The following DLG2 variants were observed in gnomAD, a reference collection of about 807,000 sequenced individuals.
The protein encoded by DLG2 is disks large homolog 2.
A neutral mutation model predicts 132.5 loss-of-function variants in DLG2; 45 were observed. The observed-to-expected ratio is 0.34, with a 90% confidence interval of 0.27 to 0.44. The LOEUF is 0.44. DLG2 is among the 20% of genes least tolerant of loss of function. DLG2 has a pLI of 1.00. For synonymous variants in DLG2, 424 were observed against 419.6 expected, an observed-to-expected ratio of 1.01 and a Z score of -0.13; for missense variants, 1,045 against 1,196.9, an observed-to-expected ratio of 0.87 and a Z score of 1.87.
chr11:85,552,891 T>TA (rs1316276444), intron 3 of DLG2, among the ~76,000 whole-genome samples: 3 of 151,342 alleles, frequency 2.0e-5, no homozygotes, highest in Non-Finnish European at 4.4e-5. Flanking sequence ...CCCAAAATGA[T>TA]AAAAAACATG....
intron 8 of DLG2, among the ~76,000 whole-genome samples, chr11:84,221,986 T>C (rs1018469556): frequency 1.3e-5 from 2 of 152,156 alleles, no homozygotes; most frequent in South Asian, 2.1e-4. Context: ...AATAATACTA[T>C]ATTAAAATTA....
intron 18 of DLG2, among the ~76,000 whole-genome samples, chr11:83,633,577 C>A (rs2063958792): frequency 6.6e-6 from 1 of 151,940 alleles, no homozygotes; most frequent in Admixed American, 6.6e-5. Context: ...TGTAAAAAGT[C>A]CATGGGGGCT....
intron 3 of DLG2, among the ~76,000 whole-genome samples, chr11:85,403,083 G>A (rs548951469): frequency 1.5e-4 from 23 of 152,182 alleles, no homozygotes; most frequent in African/African-American, 4.8e-4. Flanking sequence ...CAAAGACTTG[G>A]AATAAACCCA....
intron 3 of DLG2, among the ~76,000 whole-genome samples, chr11:85,364,845 GT>G (rs1466273792): frequency 6.6e-6 from 1 of 151,416 alleles, no homozygotes; most frequent in African/African-American, 2.4e-5. Context: ...TTATCACATA[GT>G]TTTTTTGTTT....
At chr11:85,379,687 G>C (rs529588505) in intron 3 of DLG2, among the ~76,000 whole-genome samples, 13 of 152,234 alleles carry the variant, frequency 8.5e-5, no homozygotes, top group African/African-American at 3.1e-4. Context: ...ATCTAATCCA[G>C]GCTCTCCCAC....
chr11:85,579,365 A>T (rs1437471426), intron 3 of DLG2, among the ~76,000 whole-genome samples: 1 of 152,130 alleles, frequency 6.6e-6, no homozygotes, highest in Non-Finnish European at 1.5e-5. Flanking sequence ...AAACCTGCAC[A>T]TGTATCCTCG....
chr11:84,668,521 G>A (rs780380804), intron 6 of DLG2, among the ~76,000 whole-genome samples: 3 of 152,100 alleles, frequency 2.0e-5, no homozygotes, highest in Non-Finnish European at 2.9e-5. Flanking sequence ...AAATTGAAAC[G>A]GTTTAAGTAC....
intron 15 of DLG2, among the ~76,000 whole-genome samples, chr11:83,917,517 T>C (rs1362093455): frequency 6.6e-6 from 1 of 152,192 alleles, no homozygotes; most frequent in Non-Finnish European, 1.5e-5. Flanking sequence ...GATGGGTTGA[T>C]GAAAATCAGT....
intron 5 of DLG2, among the ~76,000 whole-genome samples, chr11:85,121,245 C>A (rs1031216017): frequency 1.3e-5 from 2 of 151,854 alleles, no homozygotes; most frequent in African/African-American, 2.4e-5. Flanking sequence ...TATATTATTT[C>A]TCCAATTATT....
At chr11:84,309,302 A>G (rs1260571101) in intron 7 of DLG2, among the ~76,000 whole-genome samples, 1 of 152,234 alleles carries the variant, frequency 6.6e-6, no homozygotes, top group Non-Finnish European at 1.5e-5. Context: ...AAACAGGTTT[A>G]TGTAACTTTT....
intron 6 of DLG2, among the ~76,000 whole-genome samples, chr11:84,898,500 T>C (rs1292393367): frequency 6.6e-6 from 1 of 152,030 alleles, no homozygotes; most frequent in Non-Finnish European, 1.5e-5. Flanking sequence ...GAGAGTAAAC[T>C]AGCTTCTGTC....
At chr11:84,835,646 T>G (rs1397498371) in intron 6 of DLG2, among the ~76,000 whole-genome samples, 1 of 151,782 alleles carries the variant, frequency 6.6e-6, no homozygotes, top group South Asian at 2.1e-4. Context: ...TCAGCCTTCA[T>G]CATACAGCTG....
intron 6 of DLG2, among the ~76,000 whole-genome samples, chr11:84,958,167 G>T (rs1173574858): frequency 6.6e-6 from 1 of 152,138 alleles, no homozygotes; most frequent in African/African-American, 2.4e-5. Flanking sequence ...TGGAAAGATT[G>T]TGCATTTGGT....
intron 8 of DLG2, among the ~76,000 whole-genome samples, chr11:84,217,756 A>C (rs1054695237): frequency 6.6e-5 from 10 of 152,220 alleles, no homozygotes; most frequent in Admixed American, 6.5e-5. Flanking sequence ...TTTTTAAGAG[A>C]GATATTTAAT....
chr11:85,089,499 A>G (rs2154175418), intron 6 of DLG2, among the ~76,000 whole-genome samples: 1 of 152,294 alleles, frequency 6.6e-6, no homozygotes, highest in African/African-American at 2.4e-5. Flanking sequence ...TCCATGCTAT[A>G]TGTACCTCAT....
At chr11:85,226,574 T>C (rs985043428) in intron 4 of DLG2, among the ~76,000 whole-genome samples, 1 of 151,720 alleles carries the variant, frequency 6.6e-6, no homozygotes, top group Non-Finnish European at 1.5e-5. Context: ...AGAAAAAACA[T>C]ACAGACACGA....
chr11:84,082,540 G>A (rs1288827699), intron 10 of DLG2, among the ~76,000 whole-genome samples: 1 of 152,168 alleles, frequency 6.6e-6, no homozygotes, highest in Non-Finnish European at 1.5e-5. Flanking sequence ...ATTTCCTGAA[G>A]AGCTAAAAGA....
intron 3 of DLG2, among the ~76,000 whole-genome samples, chr11:85,549,013 G>A (rs1211070466): frequency 2.0e-5 from 3 of 151,990 alleles, no homozygotes; most frequent in Admixed American, 1.3e-4. Flanking sequence ...TGTCTCAGTG[G>A]CGTTCTGAGC....
At chr11:83,608,297 T>C (rs771898989) in intron 19 of DLG2, among the ~76,000 whole-genome samples, 2 of 152,162 alleles carry the variant, frequency 1.3e-5, no homozygotes, top group African/African-American at 2.4e-5. Flanking sequence ...TGATTTATAG[T>C]ATAGGTTGAG....
Sources: allele counts gnomAD v4.1 joint callset (sites outside exome capture counted in the v4.1 genomes callset), GRCh38; gene constraint gnomAD v4.1.1; transcripts MANE v1.5; gene names NCBI Gene and HGNC (gene_info 2026-07-23, HGNC 2026-07-21).